SPOCK1: variants seen among roughly 807,000 people sequenced by gnomAD.
The protein encoded by SPOCK1 is SPARC (osteonectin), cwcv and kazal like domains proteoglycan 1, also known as testican-1.
A neutral mutation model predicts 55.3 loss-of-function variants in SPOCK1; 23 were observed. That is an observed-to-expected ratio of 0.42 (90% CI 0.30 to 0.59). The LOEUF is 0.59. SPOCK1 is among the 20% of genes least tolerant of loss of function. SPOCK1 has a pLI of 0.22. For synonymous variants in SPOCK1, 226 were observed against 221.0 expected, an observed-to-expected ratio of 1.02 and a Z score of -0.20; for missense variants, 499 against 552.5, an observed-to-expected ratio of 0.90 and a Z score of 0.97.
intron 2 of SPOCK1, among the ~76,000 whole-genome samples, chr5:137,487,992 A>G (rs1441938758): frequency 6.6e-6 from 1 of 152,214 alleles, no homozygotes; most frequent in Non-Finnish European, 1.5e-5. Context: ...GTTATTATTC[A>G]TTGCAGCTAA....
chr5:136,979,571 G>T, intron 9 of SPOCK1, 102 bp from the exon 10 acceptor site: 1 of 1,441,308 alleles, frequency 6.9e-7, no homozygotes, highest in Non-Finnish European at 9.4e-7. Context: ...CAGAATATCT[G>T]CTGCAGGGTC....
intron 2 of SPOCK1, among the ~76,000 whole-genome samples, chr5:137,383,783 C>T (rs138349139): frequency 7.5e-4 from 114 of 152,348 alleles, no homozygotes; most frequent in African/African-American, 2.7e-3. Context: ...GCTCTCAGGA[C>T]ACACTTTCAC....
intron 2 of SPOCK1, among the ~76,000 whole-genome samples, chr5:137,484,469 C>A (rs1754012360): frequency 6.6e-6 from 1 of 152,214 alleles, no homozygotes; most frequent in African/African-American, 2.4e-5. Context: ...CATCACCTTA[C>A]CTGTGCTGGT....
At chr5:137,473,348 C>T (rs1753774906) in intron 2 of SPOCK1, among the ~76,000 whole-genome samples, 1 of 152,058 alleles carries the variant, frequency 6.6e-6, no homozygotes, top group African/African-American at 2.4e-5. Flanking sequence ...TGGAAAACAG[C>T]AAGGTACGCA....
At chr5:137,106,487 G>A (rs1040557910) in intron 5 of SPOCK1, among the ~76,000 whole-genome samples, 9 of 152,230 alleles carry the variant, frequency 5.9e-5, no homozygotes, top group Middle Eastern at 3.4e-3. Context: ...TGCAAGTCCC[G>A]CCAAGCTGAA....
chr5:137,241,587 C>A (rs531183790), intron 3 of SPOCK1, among the ~76,000 whole-genome samples: 6 of 152,302 alleles, frequency 3.9e-5, no homozygotes, highest in African/African-American at 1.4e-4. Flanking sequence ...GTCATGAGAG[C>A]TCCACCCTCA....
chr5:137,192,686 G>C (rs1755207507), intron 3 of SPOCK1, among the ~76,000 whole-genome samples: 1 of 152,198 alleles, frequency 6.6e-6, no homozygotes, highest in Non-Finnish European at 1.5e-5. Context: ...TCAACAGAAA[G>C]ATGGACAAAT....
At chr5:137,389,672 T>G (rs1426482739) in intron 2 of SPOCK1, among the ~76,000 whole-genome samples, 1 of 152,222 alleles carries the variant, frequency 6.6e-6, no homozygotes, top group Non-Finnish European at 1.5e-5. Flanking sequence ...GCAGAGCTGG[T>G]GTTCACAACC....
At chr5:137,126,558 T>G (rs1041112932) in intron 4 of SPOCK1, among the ~76,000 whole-genome samples, 1 of 152,034 alleles carries the variant, frequency 6.6e-6, no homozygotes, top group Non-Finnish European at 1.5e-5. Flanking sequence ...AGGTCAGGAG[T>G]TCGAGACCAG....
intron 2 of SPOCK1, among the ~76,000 whole-genome samples, chr5:137,358,678 G>T (rs1404191581): frequency 6.6e-6 from 1 of 152,184 alleles, no homozygotes; most frequent in Non-Finnish European, 1.5e-5. Flanking sequence ...GTCTTCAGCA[G>T]TTTCCTGCAA....
At chr5:137,032,789 C>T (rs116178347) in intron 6 of SPOCK1, among the ~76,000 whole-genome samples, 6 of 152,090 alleles carry the variant, frequency 3.9e-5, no homozygotes, top group Admixed American at 2.0e-4. Context: ...ATGTTCTTCA[C>T]GATGAACTCA....
At chr5:137,178,482 T>A (rs540382598) in intron 3 of SPOCK1, among the ~76,000 whole-genome samples, 1 of 152,352 alleles carries the variant, frequency 6.6e-6, no homozygotes, top group South Asian at 2.1e-4. Context: ...GAAGCATCTT[T>A]ATCCACACCT....
intron 2 of SPOCK1, among the ~76,000 whole-genome samples, chr5:137,358,738 T>G (rs969378092): frequency 3.3e-5 from 5 of 152,198 alleles, no homozygotes; most frequent in African/African-American, 1.2e-4. Flanking sequence ...TTTCTGTTGG[T>G]TTTTGAAAAC....
intron 2 of SPOCK1, among the ~76,000 whole-genome samples, chr5:137,356,816 TATATATATATATATATATATATAG>T (rs1425361681): frequency 1.0e-4 from 2 of 19,374 alleles, no homozygotes; most frequent in Admixed American, 5.7e-4. Context: ...TATATATATA[TATATATATATATATATATATATAG>T]AGAGAGAGAG....
At chr5:137,301,602 T>C (rs1204467549) in intron 2 of SPOCK1, among the ~76,000 whole-genome samples, 3 of 149,192 alleles carry the variant, frequency 2.0e-5, no homozygotes, top group African/African-American at 7.5e-5. Flanking sequence ...CTTCAGGAAC[T>C]ACCAGCAAAC....
chr5:137,308,891 A>T (rs1757745060), intron 2 of SPOCK1, among the ~76,000 whole-genome samples: 1 of 152,192 alleles, frequency 6.6e-6, no homozygotes, highest in Non-Finnish European at 1.5e-5. Context: ...ACCAGAAGAC[A>T]GTGAAACAGT....
At chr5:137,101,822 C>T (rs779630259) in intron 5 of SPOCK1, among the ~76,000 whole-genome samples, 15 of 152,270 alleles carry the variant, frequency 9.9e-5, no homozygotes, top group Non-Finnish European at 1.8e-4. Flanking sequence ...ATGTGTCCCA[C>T]GATCAGAAGA....
At chr5:137,272,205 C>A (rs901454906) in intron 2 of SPOCK1, among the ~76,000 whole-genome samples, 1 of 152,156 alleles carries the variant, frequency 6.6e-6, no homozygotes, top group Non-Finnish European at 1.5e-5. Flanking sequence ...GGGACTGTAG[C>A]CAAACTGCTC....
chr5:136,988,298 A>T, intron 8 of SPOCK1, 124 bp downstream of exon 8: 2 of 723,938 alleles, frequency 2.8e-6, no homozygotes, highest in Non-Finnish European at 4.5e-6. Flanking sequence ...GCCTGGCATT[A>T]AATGGAATGA....
Sources: gnomAD v4.1 joint callset for allele counts (sites outside exome capture counted in the v4.1 genomes callset) on GRCh38, gnomAD v4.1.1 for gene constraint, MANE v1.5 for transcripts, NCBI Gene and HGNC (gene_info 2026-07-23, HGNC 2026-07-21) for gene names.